Variants in GNG12 observed in about 807,000 individuals in gnomAD.
GNG12 encodes G protein subunit gamma 12.
For missense variants in GNG12, 69 were observed against 83.8 expected (o/e 0.82, Z 0.69); for synonymous variants, 28 against 29.7 (o/e 0.94, Z 0.19).
intron 2 of GNG12, among the ~76,000 whole-genome samples, chr1:67,762,396 G>A (rs868078059): frequency 2.6e-5 from 4 of 152,236 alleles, no homozygotes; most frequent in South Asian, 2.1e-4. Flanking sequence ...GGAAAGGAAG[G>A]CAAGGAACTG....
intron 2 of GNG12, among the ~76,000 whole-genome samples, chr1:67,752,455 T>G (rs775093665): frequency 5.3e-5 from 8 of 152,220 alleles, no homozygotes; most frequent in Non-Finnish European, 1.0e-4. Context: ...TTGCATGCAG[T>G]CAGATCCCAG....
At chr1:67,803,188 G>A (rs1646876160) in intron 1 of GNG12, among the ~76,000 whole-genome samples, 3 of 151,690 alleles carry the variant, frequency 2.0e-5, no homozygotes, top group African/African-American at 4.8e-5. Context: ...TTTATTCCTT[G>A]ATATTTATCC....
intron 1 of GNG12, among the ~76,000 whole-genome samples, chr1:67,808,139 G>C (rs1242225458): frequency 1.3e-5 from 2 of 152,076 alleles, no homozygotes; most frequent in Admixed American, 1.3e-4. Flanking sequence ...GGTAAGTAAG[G>C]CTGGTTCAAT....
chr1:67,787,023 ATGTATG>A (rs1251812546), intron 1 of GNG12, among the ~76,000 whole-genome samples: 1 of 123,438 alleles, frequency 8.1e-6, no homozygotes, highest in Non-Finnish European at 1.7e-5. Context: ...GTGTGTATAT[ATGTATG>A]TGTATAAGTG....
chr1:67,832,838 G>A lies in GNG12; in HGVS notation c.-77+506C>T, dbSNP rs554017132. ...CCCGGGAGGTAGAAAGTAGGCAGAGGGGCGTGGCGTCCCTGTCGCCCCCAC... is the reference window on the plus strand; with the variant it reads ...CCCGGGAGGTAGAAAGTAGGCAGAGAGGCGTGGCGTCCCTGTCGCCCCCAC... On this transcript the variant is annotated intron_variant, in intron 1 of 3. Transcript: ENST00000370982. Among the ~76,000 whole-genome samples the A allele has an allele frequency of 5.9e-5, 9 of 152,038 alleles. No individual in the cohort carries two copies. The East Asian group carries it at 1.8e-3, about 30-fold the overall frequency.
At chr1:67,814,591 C>T (rs1482708593) in intron 1 of GNG12, among the ~76,000 whole-genome samples, 1 of 152,212 alleles carries the variant, frequency 6.6e-6, no homozygotes, top group Non-Finnish European at 1.5e-5. Context: ...TGCCAGGAAA[C>T]AGTTCCACTT....
chr1:67,771,013 C>G (rs1646671301), intron 2 of GNG12, among the ~76,000 whole-genome samples: 2 of 149,608 alleles, frequency 1.3e-5, no homozygotes, highest in South Asian at 2.1e-4. Context: ...GACAGAGATA[C>G]AGAGAGAGAG....
intron 2 of GNG12, among the ~76,000 whole-genome samples, chr1:67,755,788 A>G (rs3766272): frequency 0.43 from 65,575 of 151,948 alleles, 15,648 homozygotes; most frequent in South Asian, 0.55. Flanking sequence ...AAGAGCACTT[A>G]GGACTTTTAT....
chr1:67,820,697 T>A (rs1337877531), intron 1 of GNG12, among the ~76,000 whole-genome samples: 1 of 152,218 alleles, frequency 6.6e-6, no homozygotes, highest in Non-Finnish European at 1.5e-5. Flanking sequence ...AGCACAGTAT[T>A]CAACCTCTCA....
At chr1:67,786,981 GTGTGTA>G (rs1233001891) in intron 1 of GNG12, among the ~76,000 whole-genome samples, 10 of 106,062 alleles carry the variant, frequency 9.4e-5, no homozygotes, top group South Asian at 3.1e-4. Flanking sequence ...GTGTGTGTGT[GTGTGTA>G]TGTATATATA....
intron 1 of GNG12, among the ~76,000 whole-genome samples, chr1:67,797,083 C>T (rs932163680): frequency 2.0e-5 from 3 of 152,170 alleles, no homozygotes; most frequent in African/African-American, 4.8e-5. Flanking sequence ...TCCCTCTAGG[C>T]CCCACCTCCA....
chr1:67,772,313 C>A (rs1646679577), intron 2 of GNG12, among the ~76,000 whole-genome samples: 1 of 152,122 alleles, frequency 6.6e-6, no homozygotes, highest in Admixed American at 6.5e-5. Context: ...CCACCAGATC[C>A]CAAAGTGGTG....
At chr1:67,768,804 T>C (rs922476441) in intron 2 of GNG12, among the ~76,000 whole-genome samples, 3 of 152,340 alleles carry the variant, frequency 2.0e-5, no homozygotes, top group East Asian at 1.9e-4. Context: ...TGTATACATA[T>C]AAAAAGTATG....
chr1:67,829,938 G>A (rs1358707942), intron 1 of GNG12, among the ~76,000 whole-genome samples: 1 of 151,402 alleles, frequency 6.6e-6, no homozygotes, highest in African/African-American at 2.4e-5. Flanking sequence ...GCCCAATTCT[G>A]TGCACCTGAC....
rs191062204 is a variant in GNG12, at chr1:67,739,074, G to C, written c.-26-31362C>G. 4.9e-3 allele frequency among the ~76,000 whole-genome samples: 752 copies of C among 152,322 alleles called. 7 individuals are homozygous for C. The highest frequency in any genetic ancestry group is 0.017 in the African/African-American group (718 of 41,560). On this transcript the variant is annotated intron_variant, in intron 2 of 3. Transcript: ENST00000370982. ...GGCGTCTGTAGTCCCAGCTACTTGG[G>C]AGGCTGAGGCAAGAGAATCGCTTGA...
intron 2 of GNG12, among the ~76,000 whole-genome samples, chr1:67,739,738 TC>T (rs1351683779): frequency 6.6e-6 from 1 of 152,188 alleles, no homozygotes; most frequent in Non-Finnish European, 1.5e-5. Flanking sequence ...CCAGAGCAGA[TC>T]AGAGCTGGGC....
At chr1:67,814,774 T>C (rs2100813437) in intron 1 of GNG12, among the ~76,000 whole-genome samples, 1 of 150,616 alleles carries the variant, frequency 6.6e-6, no homozygotes, top group African/African-American at 2.4e-5. Flanking sequence ...GTTTCTTTAG[T>C]CCTAGGGGTA....
At chr1:67,748,763 A>C (rs1324602629) in intron 2 of GNG12, among the ~76,000 whole-genome samples, 1 of 152,200 alleles carries the variant, frequency 6.6e-6, no homozygotes, top group African/African-American at 2.4e-5. Context: ...GTGAGATCTG[A>C]AAAGTCTGCA....
chr1:67,712,259 G>A (rs1027903947), intron 2 of GNG12, among the ~76,000 whole-genome samples: 2 of 152,188 alleles, frequency 1.3e-5, no homozygotes, highest in Non-Finnish European at 2.9e-5. Flanking sequence ...TAGCTTCCAA[G>A]GCAAACAATA....
Sources: allele counts gnomAD v4.1 joint callset (sites outside exome capture counted in the v4.1 genomes callset), GRCh38; gene constraint gnomAD v4.1.1; transcripts MANE v1.5; gene names NCBI Gene and HGNC (gene_info 2026-07-23, HGNC 2026-07-21).